Variants in FAM181A observed in about 807,000 individuals in gnomAD.
The protein encoded by FAM181A is protein FAM181A.
Under a neutral mutation model 16.3 loss-of-function variants are expected in FAM181A, and 7 were observed. The ratio of observed to expected loss-of-function variants is 0.43; its 90% CI spans 0.24 to 0.81. The LOEUF (loss-of-function observed/expected upper bound fraction) is 0.81, where lower values mean the gene tolerates loss of function less well. Ranked by LOEUF, FAM181A falls within the 30% of genes least tolerant of loss-of-function variation. FAM181A has a pLI of 0.24. For missense variants in FAM181A, 349 were observed against 377.5 expected (o/e 0.92, Z 0.63); for synonymous variants, 183 against 164.9 (o/e 1.11, Z -0.84).
chr14:93,928,292 T>C lies in FAM181A; in HGVS notation c.7T>C (p.Ser3Pro), dbSNP rs1311927179. MA[S>P]DSDVKMLLNF... The stretch of plus-strand genomic sequence containing the variant: ...GTGCAGTGGCCCCCTGGTGATGGCA[T>C]CCGACAGTGATGTGAAGATGCTGCT... The change falls in exon 2 of 2, where the codon TCC (serine) becomes CCC (proline). Residue 3 changes from serine to proline, a missense_variant. By Grantham distance (74) the Ser-to-Pro change is moderately conservative (BLOSUM62 -1). Transcript: ENST00000556222. The C allele has an allele frequency of 6.2e-7, 1 of 1,613,776 alleles. No individual in the cohort carries two copies. The highest frequency in any genetic ancestry group is 1.7e-4 in the Middle Eastern group (1 of 6,060).
rs1211671570 is a variant in FAM181A at position 93,928,752 on chromosome 14, G to T, written c.467G>T (p.Gly156Val). Residue 156 changes from glycine (G) to valine (V), a missense_variant, in exon 2 of 2, where the codon GGA becomes GTA. Physicochemically the swap from Gly to Val is moderately radical, Grantham distance 109. Coordinates refer to ENST00000556222, the MANE Select transcript of FAM181A (RefSeq NM_001207073.2). ...AGCTACCATGTGGGGCTGGAGGGGGGACTGGGCCCCAGGGAGGGACCTCCC... is the reference window on the plus strand; with the variant it reads ...AGCTACCATGTGGGGCTGGAGGGGGTACTGGGCCCCAGGGAGGGACCTCCC... ...THSYHVGLEG[G>V]LGPREGPPYE... 4 of 1,613,968 alleles carry T rather than the reference G, an allele frequency of 2.5e-6. No homozygotes were observed. The highest frequency in any genetic ancestry group is 1.3e-5 in the African/African-American group (1 of 75,058).
chr14:93,927,059 CA>C (rs1384282767), upstream of FAM181A: 6 of 170,918 alleles, frequency 3.5e-5, no homozygotes, highest in South Asian at 1.6e-4. Flanking sequence ...CACACACACA[CA>C]CCCCACCCCC....
chr14:93,927,715 GTGCTCCTCGTGCTGGGGGCAGGAGTGGT>G, intron 1 of FAM181A: 2 of 1,109,704 alleles, frequency 1.8e-6, no homozygotes, highest in Non-Finnish European at 2.3e-6. Flanking sequence ...AGGGGGGCTG[GTGCTCCTCGTGCTGGGGGCAGGAGTGGT>G]GGGAGGGGGA....
At chr14:93,923,199 T>C (rs1833056433), upstream of FAM181A, among the ~76,000 whole-genome samples, 2 of 152,200 alleles carry the variant, frequency 1.3e-5, no homozygotes, top group Admixed American at 1.3e-4. Context: ...GGTCTCGAAC[T>C]CCTGACCTCA....
At position 93,929,343 on chromosome 14, in the gene FAM181A, C is replaced by T; in HGVS notation, c.*179C>T. On this transcript the variant is annotated 3_prime_UTR_variant, in exon 2 of 2. Transcript: ENST00000556222. Reference sequence around the variant, plus strand: ...AGGCAGTGACCCTTCAGCCTTGCAGCCTTGGAAGCTGGGAGGCTGGACCTG... The same window carrying T: ...AGGCAGTGACCCTTCAGCCTTGCAGTCTTGGAAGCTGGGAGGCTGGACCTG... The T allele has an allele frequency of 1.1e-6, 1 of 875,452 alleles. No individual in the cohort carries two copies. The highest frequency in any genetic ancestry group is 1.6e-6 in the Non-Finnish European group (1 of 630,764). The allele number at this position is 875,452 out of a possible 1,614,324, so 54.2% of individuals were successfully genotyped here.
At position 93,921,783 on chromosome 14, in the gene FAM181A, T is replaced by C. The variant is rs80343774; in HGVS notation, c.-225+2789T>C. 0.032 allele frequency among the ~76,000 whole-genome samples: 4,807 copies of C among 151,934 alleles called. 113 individuals are homozygous for C. The highest frequency in any genetic ancestry group is 0.05 in the Non-Finnish European group (3,409 of 67,912). On this transcript the variant is annotated intron_variant, in intron 1 of 2. Transcript: ENST00000267594. Reference sequence around the variant, plus strand: ...CCCTGGGAGGGAGATGGGGCCCTCATATTGGTTCACAGTTGTCGGTGGGAG... The same window carrying C: ...CCCTGGGAGGGAGATGGGGCCCTCACATTGGTTCACAGTTGTCGGTGGGAG...
At chr14:93,925,118 C>T (rs568094145), upstream of FAM181A, 26 of 638,314 alleles carry the variant, frequency 4.1e-5, no homozygotes, top group African/African-American at 2.3e-4. Flanking sequence ...TCACCTCCCA[C>T]GGAGTCCACG....
chr14:93,925,047 G>T, upstream of FAM181A: 1 of 517,500 alleles, frequency 1.9e-6, no homozygotes, highest in South Asian at 2.9e-5. Context: ...TCCTCAAAAA[G>T]TGTTTGGTGG....
chr14:93,928,387 C>A lies in FAM181A; in HGVS notation c.102C>A (p.Ser34=), dbSNP rs185846770. 1 of 1,613,916 alleles carries A rather than the reference C, an allele frequency of 6.2e-7. No homozygotes were observed. The highest frequency in any genetic ancestry group is 1.3e-5 in the African/African-American group (1 of 75,064). Residue 34 remains serine, a synonymous_variant, in exon 2 of 2, where the codon TCC becomes TCA. Transcript: ENST00000556222. ...ALDKSAPCRR[S]VDHRKYLQKQ... is the part of the protein sequence containing the mutation. ...ATAAGTCCGCACCCTGCCGCCGCTC[C>A]GTGGACCATCGCAAGTACCTGCAGA...
chr14:93,927,767 G>A, intron 1 of FAM181A: 2 of 726,078 alleles, frequency 2.8e-6, no homozygotes, highest in Non-Finnish European at 3.8e-6. Context: ...TACCACCAGG[G>A]AGGAAGGGGG....
intron 1 of FAM181A, 81 bp from the exon 2 acceptor site, chr14:93,928,114 CTGTT>C (rs1887987761): frequency 8.4e-6 from 13 of 1,544,492 alleles, no homozygotes; most frequent in Middle Eastern, 2.3e-4. Context: ...GGTGGGGAGA[CTGTT>C]TGTAGACAGG....
intron 1 of FAM181A, among the ~76,000 whole-genome samples, chr14:93,920,920 C>A (rs1887701230): frequency 6.6e-6 from 1 of 152,170 alleles, no homozygotes; most frequent in Non-Finnish European, 1.5e-5. Context: ...AGCTCTAACC[C>A]CACTCATTCA....
At position 93,929,208 on chromosome 14, in the gene FAM181A, T is replaced by G. The variant is rs914188579; in HGVS notation, c.*44T>G. Reference sequence around the variant, plus strand: ...AGCCCCCACCTCTGGCCTGCAGGAGTGTCGAGGTCCCCGAGGCGCTCTCCT... The same window carrying G: ...AGCCCCCACCTCTGGCCTGCAGGAGGGTCGAGGTCCCCGAGGCGCTCTCCT... On this transcript the variant is annotated 3_prime_UTR_variant, in exon 2 of 2. Transcript: ENST00000556222. 4.0e-6 allele frequency: 6 copies of G among 1,500,690 alleles called. No homozygotes were observed. In the Admixed American group the frequency reaches 1.4e-4, roughly 34 times the overall value. The allele number at this position is 1,500,690 out of a possible 1,614,324, so 93.0% of individuals were successfully genotyped here.
chr14:93,925,729 A>G (rs1172685206), upstream of FAM181A, among the ~76,000 whole-genome samples: 1 of 151,600 alleles, frequency 6.6e-6, no homozygotes, highest in South Asian at 2.1e-4. Context: ...CTCGGTCCAC[A>G]CTTCCCCGAC....
In FAM181A at chr14:93,929,056, G is replaced by C. The variant is rs752829145; in HGVS notation, c.771G>C (p.Lys257Asn). 1.3e-6 allele frequency: 2 copies of C among 1,591,444 alleles called. No homozygotes were observed. The highest frequency in any genetic ancestry group is 4.5e-5 in the East Asian group (2 of 44,646). Residue 257 changes from lysine (K) to asparagine (N), a missense_variant, in exon 2 of 2, where the codon AAG (lysine) becomes AAC (asparagine). Lys to Asn is a moderately conservative substitution (Grantham distance 94). Coordinates refer to ENST00000556222, the MANE Select transcript of FAM181A (RefSeq NM_001207073.2). Reference protein sequence around the residue: ...AFPGELAHLCKDVDGLGQKVC... With the variant: ...AFPGELAHLCNDVDGLGQKVC... ...CCGGGGAGCTGGCGCACCTCTGCAA[G>C]GATGTGGACGGCCTGGGGCAGAAGG...
upstream of FAM181A, chr14:93,922,526 C>T (rs889826952): frequency 2.0e-5 from 3 of 152,020 alleles, no homozygotes; most frequent in Admixed American, 1.3e-4. Flanking sequence ...CCTGTCTCTA[C>T]TAAAAATACA....
chr14:93,925,112 C>T (rs1887851534), upstream of FAM181A: 1 of 619,800 alleles, frequency 1.6e-6, no homozygotes, highest in Admixed American at 3.4e-5. Flanking sequence ...ACCAACTCAC[C>T]TCCCACGGAG....
Position 93,928,583 on chromosome 14 carries a change from C to CT in FAM181A, c.299dup (p.Arg101GlufsTer11). On this transcript the variant is annotated frameshift_variant, in exon 2 of 2. Coordinates refer to ENST00000556222, the MANE Select transcript of FAM181A (RefSeq NM_001207073.2). LOFTEE classifies it high-confidence loss of function. ...GGGTGGGGGCTGCAAGGAGAAGGTG[C>CT]TGAGGAACCCCTACAGGGAGGAATG... is the stretch of plus-strand genomic sequence containing the variant. 6.2e-7 allele frequency: 1 copy of CT among 1,613,714 alleles called. No homozygotes were observed. Among genetic ancestry groups the CT allele is most frequent in the Non-Finnish European group, 8.5e-7 (1 of 1,179,936 alleles).
intron 1 of FAM181A, among the ~76,000 whole-genome samples, chr14:93,919,238 T>C (rs1285287120): frequency 1.3e-5 from 2 of 152,228 alleles, no homozygotes; most frequent in Non-Finnish European, 2.9e-5. Flanking sequence ...ATGGCTGATG[T>C]CTTAATCCTC....
Sources: allele counts gnomAD v4.1 joint callset (sites outside exome capture counted in the v4.1 genomes callset), GRCh38; gene constraint gnomAD v4.1.1; transcripts MANE v1.5; gene names NCBI Gene and HGNC (gene_info 2026-07-23, HGNC 2026-07-21).